Variants in UNC5C observed in about 807,000 individuals in gnomAD.
UNC5C encodes netrin receptor UNC5C.
Under a neutral mutation model 99.8 loss-of-function variants are expected in UNC5C, and 47 were observed. That is an observed-to-expected ratio of 0.47 (90% CI 0.37 to 0.60). The LOEUF is 0.60. Ranked by LOEUF, UNC5C falls within the 20% of genes least tolerant of loss-of-function variation. The probability of loss-of-function intolerance (pLI) is 0.00; values close to 1 mark genes in which losing one functional copy is unlikely to be tolerated. For missense variants in UNC5C, 1,062 were observed against 1,165.9 expected (o/e 0.91, Z 1.30); for synonymous variants, 487 against 452.2 (o/e 1.08, Z -0.98).
chr4:95,475,203 A>G (rs1267315568), intron 1 of UNC5C, among the ~76,000 whole-genome samples: 1 of 151,972 alleles, frequency 6.6e-6, no homozygotes, highest in East Asian at 1.9e-4. Flanking sequence ...GGGTGTCTTT[A>G]TACTCTCTCC....
At chr4:95,345,719 A>C (rs140249432) in intron 1 of UNC5C, among the ~76,000 whole-genome samples, 120 of 152,182 alleles carry the variant, frequency 7.9e-4, no homozygotes, top group Middle Eastern at 3.4e-3. Context: ...AACTGTACAA[A>C]CACATGGAAA....
intron 1 of UNC5C, among the ~76,000 whole-genome samples, chr4:95,356,102 A>T (rs1744176148): frequency 1.4e-5 from 2 of 148,116 alleles, no homozygotes. Flanking sequence ...AGGTTGGAGG[A>T]TCATTTGAGC....
intron 1 of UNC5C, among the ~76,000 whole-genome samples, chr4:95,377,309 A>T (rs1378364684): frequency 6.6e-6 from 1 of 152,210 alleles, no homozygotes; most frequent in Non-Finnish European, 1.5e-5. Context: ...TAATTGAATG[A>T]TCAATTATTC....
rs1735880321 is a variant in UNC5C, at chr4:95,166,984, G to A, written c.*2250C>T. On this transcript the variant is annotated 3_prime_UTR_variant, in exon 16 of 16. Transcript: ENST00000453304. ...GGGGTGGGCTGAGAGAGATTTTATA[G>A]AATATATGTATGTATGTCCAAAACA... 1 of 101,098 alleles carries A rather than the reference G, an allele frequency of 9.9e-6. No individual in the cohort carries two copies. The highest frequency in any genetic ancestry group is 2.2e-5 in the Non-Finnish European group (1 of 45,802). 6.3% of individuals were successfully genotyped at this position (101,098 alleles called of 1,614,324 possible).
intron 1 of UNC5C, among the ~76,000 whole-genome samples, chr4:95,338,850 C>T (rs1343388196): frequency 6.6e-6 from 1 of 152,000 alleles, no homozygotes; most frequent in African/African-American, 2.4e-5. Flanking sequence ...TATCTACAAA[C>T]AGGACTGGCT....
intron 12 of UNC5C, among the ~76,000 whole-genome samples, chr4:95,192,358 C>T (rs1292356024): frequency 1.6e-5 from 2 of 123,820 alleles, no homozygotes; most frequent in South Asian, 3.1e-4. Context: ...CCTGCTCACT[C>T]CTCCCTTGCT....
At chr4:95,201,757 T>C (rs187696980) in intron 12 of UNC5C, among the ~76,000 whole-genome samples, 121 of 152,080 alleles carry the variant, frequency 8.0e-4, no homozygotes, top group South Asian at 2.3e-3. Flanking sequence ...ATGCCTGCCA[T>C]CATGCCCGGC....
intron 1 of UNC5C, among the ~76,000 whole-genome samples, chr4:95,451,697 A>T (rs1247831015): frequency 6.6e-6 from 1 of 152,184 alleles, no homozygotes; most frequent in Non-Finnish European, 1.5e-5. Flanking sequence ...CAGACACTGT[A>T]TTGTTTCACG....
intron 1 of UNC5C, among the ~76,000 whole-genome samples, chr4:95,454,124 A>C (rs919424195): frequency 6.6e-6 from 1 of 152,076 alleles, no homozygotes; most frequent in African/African-American, 2.4e-5. Context: ...AAAACCACTC[A>C]ATTTCACCCT....
intron 1 of UNC5C, among the ~76,000 whole-genome samples, chr4:95,403,868 G>C (rs1199829677): frequency 6.6e-6 from 1 of 152,202 alleles, no homozygotes; most frequent in African/African-American, 2.4e-5. Flanking sequence ...GAAGAGGCCA[G>C]TGTGGCTCAC....
intron 10 of UNC5C, among the ~76,000 whole-genome samples, chr4:95,209,762 C>T (rs1161215400): frequency 2.6e-5 from 4 of 152,154 alleles, no homozygotes; most frequent in East Asian, 3.9e-4. Flanking sequence ...CTGCTTTCAC[C>T]GTGTCATAGT....
chr4:95,513,135 C>T (rs1311673734), intron 1 of UNC5C, among the ~76,000 whole-genome samples: 1 of 152,164 alleles, frequency 6.6e-6, no homozygotes, highest in Non-Finnish European at 1.5e-5. Flanking sequence ...AGCAAAGTGA[C>T]AGTTGACTGT....
intron 4 of UNC5C, among the ~76,000 whole-genome samples, chr4:95,252,022 C>A (rs1022752118): frequency 1.3e-5 from 2 of 152,148 alleles, no homozygotes; most frequent in Non-Finnish European, 2.9e-5. Flanking sequence ...AGAATAGAAT[C>A]TATTTACAAC....
intron 1 of UNC5C, among the ~76,000 whole-genome samples, chr4:95,471,889 A>G (rs575753639): frequency 1.3e-5 from 2 of 152,154 alleles, no homozygotes; most frequent in South Asian, 2.1e-4. Context: ...CTTAAAACAT[A>G]GAGTAAGACC....
intron 1 of UNC5C, among the ~76,000 whole-genome samples, chr4:95,420,427 T>C (rs943438371): frequency 1.3e-5 from 2 of 152,160 alleles, no homozygotes; most frequent in Non-Finnish European, 2.9e-5. Context: ...ATCTAATTTG[T>C]TCTAGTTATT....
At chr4:95,508,782 A>G (rs1377502464) in intron 1 of UNC5C, among the ~76,000 whole-genome samples, 1 of 151,974 alleles carries the variant, frequency 6.6e-6, no homozygotes, top group Non-Finnish European at 1.5e-5. Flanking sequence ...TTGGAGATTA[A>G]TATTACACAT....
At chr4:95,525,262 T>C (rs375582745) in intron 1 of UNC5C, among the ~76,000 whole-genome samples, 2 of 152,312 alleles carry the variant, frequency 1.3e-5, no homozygotes, top group South Asian at 4.1e-4. Context: ...CTGCCTAAAA[T>C]ACCTAGGAAT....
At chr4:95,260,442 T>C (rs1039606265) in intron 4 of UNC5C, among the ~76,000 whole-genome samples, 1 of 152,198 alleles carries the variant, frequency 6.6e-6, no homozygotes, top group African/African-American at 2.4e-5. Context: ...CTGAGCTTTC[T>C]GGGCAGACTT....
At chr4:95,424,518 C>CTTTTTTTTTTTTTTTTGTTTTTTT in intron 1 of UNC5C, among the ~76,000 whole-genome samples, 1 of 67,952 alleles carries the variant, frequency 1.5e-5, no homozygotes, top group Non-Finnish European at 2.7e-5. Context: ...TTTTTCTTTT[C>CTTTTTTTTTTTTTTTTGTTTTTTT]TTTTTTTTTT....
Sources: allele counts gnomAD v4.1 joint callset (sites outside exome capture counted in the v4.1 genomes callset), GRCh38; gene constraint gnomAD v4.1.1; transcripts MANE v1.5; gene names NCBI Gene and HGNC (gene_info 2026-07-23, HGNC 2026-07-21).